ABCC4: variants seen among roughly 807,000 people sequenced by gnomAD.
ABCC4 encodes the protein ATP-binding cassette sub-family C member 4.
Under a neutral mutation model 168.5 loss-of-function variants are expected in ABCC4, and 102 were observed. That is an observed-to-expected ratio of 0.61 (90% CI 0.52 to 0.71). ABCC4 has a LOEUF of 0.71. Among genes scored for constraint, ABCC4 ranks in the 30% least tolerant of loss-of-function variants. ABCC4 has a pLI of 0.00. For missense variants in ABCC4, 1,402 were observed against 1,605.8 expected (o/e 0.87, Z 2.17); for synonymous variants, 617 against 590.7 (o/e 1.04, Z -0.65).
chr13:95,257,425 T>C (rs1021107264), intron 1 of ABCC4, among the ~76,000 whole-genome samples: 6 of 152,080 alleles, frequency 3.9e-5, no homozygotes, highest in Non-Finnish European at 8.8e-5. Context: ...CCCAGCACTT[T>C]GGGAGGCCGA....
chr13:95,258,965 G>A (rs907264863), intron 1 of ABCC4, among the ~76,000 whole-genome samples: 1 of 152,198 alleles, frequency 6.6e-6, no homozygotes, highest in Non-Finnish European at 1.5e-5. Context: ...CCCGGCCTGG[G>A]GGCTACATTG....
intron 20 of ABCC4, among the ~76,000 whole-genome samples, chr13:95,103,270 C>CA (rs367947542): frequency 4.3e-4 from 66 of 152,002 alleles, no homozygotes; most frequent in African/African-American, 1.2e-3. Flanking sequence ...GTCTCAAAAA[C>CA]AAAAAAACAG....
rs7326029 is a variant in ABCC4 at position 95,105,454 on chromosome 13, A to T, written c.2535+10468T>A. On this transcript the variant is annotated intron_variant, in intron 20 of 30. Coordinates refer to ENST00000645237, the MANE Select transcript of ABCC4 (RefSeq NM_005845.5). Reference sequence around the variant, plus strand: ...TCCCTAGAGCACTAATTAGCAAGAAAATTAAAGAATAAATTTAACATTTAC... The same window carrying T: ...TCCCTAGAGCACTAATTAGCAAGAATATTAAAGAATAAATTTAACATTTAC... Among the ~76,000 whole-genome samples the T allele has an allele frequency of 0.012, 1,795 of 152,188 alleles. 90 individuals are homozygous for T. In the East Asian group the frequency reaches 0.15, roughly 13 times the overall value.
chr13:95,086,950 A>T (rs1234518748), intron 20 of ABCC4, among the ~76,000 whole-genome samples: 3 of 152,190 alleles, frequency 2.0e-5, no homozygotes, highest in Non-Finnish European at 4.4e-5. Flanking sequence ...GCTGTAAGCC[A>T]CTGAAGAATT....
chr13:95,195,466 G>C (rs1204141488), intron 8 of ABCC4, among the ~76,000 whole-genome samples: 2 of 152,146 alleles, frequency 1.3e-5, no homozygotes, highest in African/African-American at 4.8e-5. Flanking sequence ...CCCTGGCTCT[G>C]GCCAGTCACT....
intron 1 of ABCC4, among the ~76,000 whole-genome samples, chr13:95,257,761 C>T (rs2040429304): frequency 6.6e-6 from 1 of 152,150 alleles, no homozygotes; most frequent in Non-Finnish European, 1.5e-5. Flanking sequence ...CTGTGCTTCA[C>T]TGGGGTCAAA....
chr13:95,264,681 A>G (rs937310309), intron 1 of ABCC4, among the ~76,000 whole-genome samples: 1 of 152,204 alleles, frequency 6.6e-6, no homozygotes, highest in Non-Finnish European at 1.5e-5. Flanking sequence ...CTAAAGAAAT[A>G]TGAGCGCTAA....
chr13:95,203,897 C>G (rs2038705188), intron 8 of ABCC4, among the ~76,000 whole-genome samples: 1 of 152,166 alleles, frequency 6.6e-6, no homozygotes, highest in Admixed American at 6.5e-5. Flanking sequence ...CTTCCTCTAG[C>G]TTCTAGTGCA....
chr13:95,108,640 T>C (rs2035090545), intron 20 of ABCC4, among the ~76,000 whole-genome samples: 1 of 120,358 alleles, frequency 8.3e-6, no homozygotes, highest in Non-Finnish European at 1.8e-5. Flanking sequence ...AAATCTATTT[T>C]CTTTTTTTTT....
chr13:95,134,761 A>G (rs2036087290), intron 19 of ABCC4, among the ~76,000 whole-genome samples: 1 of 152,082 alleles, frequency 6.6e-6, no homozygotes, highest in Non-Finnish European at 1.5e-5. Flanking sequence ...CAAGAGCCAT[A>G]GAGAAGGAAA....
Position 95,163,767 on chromosome 13 carries a change from C to T in ABCC4, c.2176-120G>A, listed in dbSNP as rs1034031838. The stretch of plus-strand genomic sequence containing the variant: ...GCCCTCAAAGCCGGGCGTGGTGGCT[C>T]ATGCTTGTAAACCCCAGCACTTTGG... On this transcript the variant is annotated intron_variant, in intron 16 of 30. Coordinates refer to ENST00000645237, the MANE Select transcript of ABCC4 (RefSeq NM_005845.5). The T allele has an allele frequency of 5.6e-5, 46 of 822,898 alleles. 1 individual carries two copies. In the Middle Eastern group the frequency reaches 6.8e-4, roughly 12 times the overall value. 51.0% of individuals were successfully genotyped at this position (822,898 alleles called of 1,614,324 possible).
chr13:95,029,207 T>C (rs1287738473), intron 30 of ABCC4, among the ~76,000 whole-genome samples: 1 of 52,326 alleles, frequency 1.9e-5, no homozygotes, highest in Non-Finnish European at 3.8e-5. Context: ...TATATATATA[T>C]ATATATAGAG....
chr13:95,131,608 AAC>A (rs1236256292), intron 19 of ABCC4, among the ~76,000 whole-genome samples: 1 of 152,148 alleles, frequency 6.6e-6, no homozygotes, highest in East Asian at 1.9e-4. Flanking sequence ...CTGCCTGGGC[AAC>A]AGAGCAAGAC....
At chr13:95,163,350 T>C in intron 17 of ABCC4, 134 bp from the exon 18 acceptor site, 1 of 679,510 alleles carries the variant, frequency 1.5e-6, no homozygotes, top group Non-Finnish European at 2.5e-6. Flanking sequence ...TAGTCTTGTG[T>C]ATATCTACCT....
At chr13:95,181,326 CCA>C (rs2037882246) in intron 11 of ABCC4, among the ~76,000 whole-genome samples, 1 of 152,228 alleles carries the variant, frequency 6.6e-6, no homozygotes, top group African/African-American at 2.4e-5. Flanking sequence ...AGAAGAGGCC[CCA>C]GAGTCAGAGA....
chr13:95,025,277 A>C (rs1379865812), intron 30 of ABCC4, among the ~76,000 whole-genome samples: 1 of 27,838 alleles, frequency 3.6e-5, no homozygotes, highest in African/African-American at 2.1e-4. Flanking sequence ...ACACCCCCAC[A>C]CACACCCCCA....
At chr13:95,141,793 G>T (rs770151706) in intron 19 of ABCC4, among the ~76,000 whole-genome samples, 2 of 152,304 alleles carry the variant, frequency 1.3e-5, no homozygotes, top group South Asian at 4.1e-4. Flanking sequence ...AAGAGACGGG[G>T]TCTTACGATG....
chr13:95,280,136 T>C (rs1344541532), intron 1 of ABCC4, among the ~76,000 whole-genome samples: 8 of 152,002 alleles, frequency 5.3e-5, no homozygotes, highest in Non-Finnish European at 4.4e-5. Context: ...CCAAGAGAAG[T>C]AGCATTTGAT....
chr13:95,243,932 G>A (rs557390064), intron 3 of ABCC4, among the ~76,000 whole-genome samples: 3 of 151,020 alleles, frequency 2.0e-5, no homozygotes, highest in African/African-American at 7.3e-5. Flanking sequence ...CAACCTGAAT[G>A]TACCTTGGTG....
Sources: gnomAD v4.1 joint callset for allele counts (sites outside exome capture counted in the v4.1 genomes callset) on GRCh38, gnomAD v4.1.1 for gene constraint, MANE v1.5 for transcripts, NCBI Gene and HGNC (gene_info 2026-07-23, HGNC 2026-07-21) for gene names.